The following RNF144A variants were observed in gnomAD, a reference collection of about 807,000 sequenced individuals.
RNF144A encodes E3 ubiquitin-protein ligase RNF144A.
RNF144A carries 11 observed loss-of-function variants against 38.7 expected under a neutral mutation model. The observed-to-expected ratio is 0.28, with a 90% CI of 0.18 to 0.47. RNF144A has a LOEUF of 0.47. RNF144A is among the 20% of genes least tolerant of loss of function. The pLI is 0.99. For synonymous variants in RNF144A, 149 were observed against 143.9 expected, an observed-to-expected ratio of 1.04 and a Z score of -0.25; for missense variants, 316 against 377.2, an observed-to-expected ratio of 0.84 and a Z score of 1.34.
At position 7,043,712 on chromosome 2, in the gene RNF144A, A is replaced by G; in HGVS notation, c.*3952A>G. ...AGGAGAGCATGCCGTCTTGATGTTT[A>G]AAAAACCCAGGGTCTCCACCCTTCC... is the stretch of plus-strand genomic sequence containing the variant. On this transcript the variant is annotated 3_prime_UTR_variant, in exon 9 of 9. Transcript: ENST00000320892. The G allele has an allele frequency of 1.0e-6, 1 of 985,872 alleles. No individual in the cohort carries two copies. The highest frequency in any genetic ancestry group is 1.2e-6 in the Non-Finnish European group (1 of 829,930). The allele number at this position is 985,872 out of a possible 1,614,324, so 61.1% of individuals were successfully genotyped here.
At chr2:7,004,552 C>T (rs903123509) in intron 3 of RNF144A, among the ~76,000 whole-genome samples, 1 of 152,182 alleles carries the variant, frequency 6.6e-6, no homozygotes, top group African/African-American at 2.4e-5. Flanking sequence ...GGCAAACCTG[C>T]GACTGCATTC....
At position 7,014,742 on chromosome 2, in the gene RNF144A, C is replaced by G. The variant is rs150364218; in HGVS notation, c.271C>G (p.Gln91Glu). 640 of 1,613,120 alleles carry G rather than the reference C, an allele frequency of 4.0e-4. 1 individual carries two copies. The highest frequency in any genetic ancestry group is 6.6e-4 in the Middle Eastern group (4 of 6,060). The change falls in exon 5 of 9, where the codon CAA (glutamine) becomes GAA (glutamate). Residue 91 changes from glutamine (Q) to glutamate (E), a missense_variant. Physicochemically the swap from Gln to Glu is conservative, Grantham distance 29. Transcript: ENST00000320892. ...GTGCATGGTTGCAGCTGAAATTATG[C>G]AAAGATATAAAAAGCTACAATTTGA... is the stretch of plus-strand genomic sequence containing the variant. ...IECMVAAEIM[Q>E]RYKKLQFERE... is the part of the protein sequence containing the mutation.
chr2:7,039,548 C>T, intron 8 of RNF144A, 81 bp from the exon 9 acceptor site: 4 of 1,554,088 alleles, frequency 2.6e-6, no homozygotes, highest in Non-Finnish European at 2.6e-6. Context: ...GGATGGGTAG[C>T]TGGTTGTGTG....
intron 6 of RNF144A, among the ~76,000 whole-genome samples, chr2:7,066,279 G>A (rs1033368429): frequency 6.6e-6 from 1 of 151,940 alleles, no homozygotes; most frequent in Non-Finnish European, 1.5e-5. Context: ...AGCAGAGACG[G>A]GGTTTCACCG....
In RNF144A at chr2:7,011,264, C is replaced by T. The variant is rs114938977; in HGVS notation, c.136-3190C>T. 1.5e-3 allele frequency among the ~76,000 whole-genome samples: 230 copies of T among 152,272 alleles called. 2 individuals carry two copies. Among genetic ancestry groups the T allele is most frequent in the Middle Eastern group, 3.4e-3 (1 of 294 alleles). Reference sequence around the variant, plus strand: ...CATCATCTCACATAGTTGCTTTTTACGGTGATGGGCACCTAAAGTCTACTC... The same window carrying T: ...CATCATCTCACATAGTTGCTTTTTATGGTGATGGGCACCTAAAGTCTACTC... On this transcript the variant is annotated intron_variant, in intron 3 of 8. Coordinates refer to ENST00000320892, the MANE Select transcript of RNF144A (RefSeq NM_014746.6).
chr2:6,959,015 C>G (rs1278563925), intron 2 of RNF144A, among the ~76,000 whole-genome samples: 2 of 152,218 alleles, frequency 1.3e-5, no homozygotes, highest in African/African-American at 4.8e-5. Flanking sequence ...CCTGATCACT[C>G]TCTTACTGCC....
intron 1 of RNF144A, among the ~76,000 whole-genome samples, chr2:6,939,416 A>G (rs779175996): frequency 4.6e-5 from 7 of 152,208 alleles, no homozygotes; most frequent in Non-Finnish European, 7.3e-5. Flanking sequence ...TCCTTTGCCC[A>G]TATTTACATT....
chr2:7,059,309 G>A (rs1673863856), intron 6 of RNF144A, among the ~76,000 whole-genome samples: 1 of 152,068 alleles, frequency 6.6e-6, no homozygotes, highest in Non-Finnish European at 1.5e-5. Context: ...TCATGCCACT[G>A]CACTCCAGCC....
chr2:7,041,109 A>G lies in RNF144A; in HGVS notation c.*1349A>G. On this transcript the variant is annotated 3_prime_UTR_variant, in exon 9 of 9. Transcript: ENST00000320892. ...CAAAGCAAACTGCATTGAATTTAAA[A>G]CTTCTAAAAATAACAGGCAAATATT... is the stretch of plus-strand genomic sequence containing the variant. 3 of 982,762 alleles carry G rather than the reference A, an allele frequency of 3.1e-6. No homozygotes were observed. The highest frequency in any genetic ancestry group is 1.1e-4 in the East Asian group (1 of 8,804). 60.9% of individuals were successfully genotyped at this position (982,762 alleles called of 1,614,324 possible). A position where few individuals can be genotyped will look rare whatever the true frequency, so the allele number is the denominator to read the frequency against.
rs1673198428 is a variant in RNF144A at position 7,043,956 on chromosome 2, T to C, written c.*4196T>C. 1 of 985,912 alleles carries C rather than the reference T, an allele frequency of 1.0e-6. No homozygotes were observed. Among genetic ancestry groups the C allele is most frequent in the East Asian group, 1.1e-4 (1 of 8,820 alleles). 61.1% of individuals were successfully genotyped at this position (985,912 alleles called of 1,614,324 possible). A position where few individuals can be genotyped will look rare whatever the true frequency, so the allele number is the denominator to read the frequency against. ...TCAAAACAGATTTGATTTGTGTTTT[T>C]GAAATGTCAGTACATTTTGTGCCAC... On this transcript the variant is annotated 3_prime_UTR_variant, in exon 9 of 9. Transcript: ENST00000320892.
chr2:7,013,661 C>T (rs968266927), intron 3 of RNF144A, among the ~76,000 whole-genome samples: 2 of 152,188 alleles, frequency 1.3e-5, no homozygotes, highest in Non-Finnish European at 2.9e-5. Context: ...TGTTTCTTCT[C>T]ATTGCTGTTT....
chr2:7,005,381 C>T (rs1001587372), intron 3 of RNF144A, among the ~76,000 whole-genome samples: 3 of 152,144 alleles, frequency 2.0e-5, no homozygotes, highest in Admixed American at 6.5e-5. Context: ...TTCAGAGATG[C>T]GTGAATCCAG....
Position 7,058,041 on chromosome 2 carries a change from C to T in RNF144A, c.735-10175C>T, listed in dbSNP as rs547646152. Among the ~76,000 whole-genome samples, 4 of 152,198 alleles carry T rather than the reference C, an allele frequency of 2.6e-5. No homozygotes were observed. In the South Asian group the frequency reaches 8.3e-4, roughly 32 times the overall value. ...TGCCAGGTGCTTAATGTCATTTAAT[C>T]CTCACAACATGAAAGAGGCAAAGAT... On this transcript the variant is annotated intron_variant, in intron 6 of 6. Transcript: ENST00000432850.
chr2:6,972,525 G>A (rs927003660), intron 2 of RNF144A, among the ~76,000 whole-genome samples: 6 of 152,134 alleles, frequency 3.9e-5, no homozygotes, highest in African/African-American at 1.4e-4. Context: ...TCTTGGAGTG[G>A]GGCTGTGGGA....
intron 2 of RNF144A, among the ~76,000 whole-genome samples, chr2:6,986,205 A>G (rs568232384): frequency 2.6e-5 from 4 of 152,012 alleles, no homozygotes; most frequent in Non-Finnish European, 5.9e-5. Flanking sequence ...TGACAGCCTC[A>G]GGGTCACATG....
At chr2:6,969,084 T>C (rs1667845045) in intron 2 of RNF144A, among the ~76,000 whole-genome samples, 1 of 152,224 alleles carries the variant, frequency 6.6e-6, no homozygotes, top group South Asian at 2.1e-4. Flanking sequence ...ATGACAATAA[T>C]GATGGCCATT....
At chr2:6,938,608 G>A (rs372870293) in intron 1 of RNF144A, among the ~76,000 whole-genome samples, 15 of 152,120 alleles carry the variant, frequency 9.9e-5, no homozygotes, top group Admixed American at 7.9e-4. Context: ...AAAAGTCATC[G>A]TTTTAAAGTA....
intron 5 of RNF144A, among the ~76,000 whole-genome samples, chr2:7,019,410 C>G (rs569074605): frequency 6.6e-6 from 1 of 152,224 alleles, no homozygotes; most frequent in Non-Finnish European, 1.5e-5. Context: ...GTGACACAGG[C>G]GAGCGGGAGC....
At chr2:7,024,329 G>C in intron 6 of RNF144A, 40 bp from the exon 7 acceptor site, 2 of 1,544,498 alleles carry the variant, frequency 1.3e-6, no homozygotes, top group Non-Finnish European at 1.8e-6. Flanking sequence ...TCTCCCGTGG[G>C]ATCCGTTTGT....
Sources: allele counts gnomAD v4.1 joint callset (sites outside exome capture counted in the v4.1 genomes callset), GRCh38; gene constraint gnomAD v4.1.1; transcripts MANE v1.5; gene names NCBI Gene and HGNC (gene_info 2026-07-23, HGNC 2026-07-21).